DRC9: variants seen among roughly 807,000 people sequenced by gnomAD.
DRC9 encodes dynein regulatory complex subunit 9, also known as dynein regulatory complex protein 9.
At chr3:197,952,323 C>T in the DRC9 span, among the ~76,000 whole-genome samples, 7 of 151,636 alleles carry the variant, frequency 4.6e-5, no homozygotes, top group African/African-American at 1.7e-4. Flanking sequence ...GCGGCCGCCA[C>T]CATGCCTGTC....
chr3:197,953,875 A>T, the DRC9 span: 1 of 819,564 alleles, frequency 1.2e-6, no homozygotes, highest in Non-Finnish European at 2.1e-6. Context: ...ATGGTGTTCT[A>T]GGCATTTAAA....
At chr3:197,951,410 G>A in the DRC9 span, 37 of 1,331,932 alleles carry the variant, frequency 2.8e-5, no homozygotes, top group African/African-American at 4.9e-4. Context: ...CTGGAATGCA[G>A]TGACTTGGTC....
chr3:197,943,909 C>A, the DRC9 span: 4 of 1,614,082 alleles, frequency 2.5e-6, no homozygotes, highest in South Asian at 1.1e-5. Context: ...TCTAGAGTTT[C>A]CGGGATTTCT....
the DRC9 span, among the ~76,000 whole-genome samples, chr3:197,900,648 C>T: frequency 2.0e-5 from 3 of 151,034 alleles, no homozygotes; most frequent in African/African-American, 7.4e-5. This position sits in a 1 kb window ranked among gnomAD's most constrained non-coding sequence, Gnocchi z 4.7. Flanking sequence ...GAATAGGGCA[C>T]TGGGCAGAGG....
the DRC9 span, among the ~76,000 whole-genome samples, chr3:197,908,171 G>C: frequency 1.1e-3 from 157 of 148,618 alleles, no homozygotes; most frequent in African/African-American, 3.8e-3. Context: ...GACTGTACCA[G>C]GTCTGAAGAG....
chr3:197,891,007 AAAATATCTCTATT>A, the DRC9 span, among the ~76,000 whole-genome samples: 1 of 152,258 alleles, frequency 6.6e-6, no homozygotes, highest in South Asian at 2.1e-4. Context: ...ACATAAAACT[AAAATATCTCTATT>A]TTTTTCTAAC....
At chr3:197,889,835 A>C in the DRC9 span, 1 of 1,182,720 alleles carries the variant, frequency 8.5e-7, no homozygotes, top group Non-Finnish European at 1.2e-6. Flanking sequence ...TCTCCAGGAC[A>C]TGGAAGTAGC....
At chr3:197,933,654 T>C in the DRC9 span, among the ~76,000 whole-genome samples, 1 of 152,118 alleles carries the variant, frequency 6.6e-6, no homozygotes, top group East Asian at 1.9e-4. Context: ...ATGTGTCAGA[T>C]ATATCTGAAG....
the DRC9 span, among the ~76,000 whole-genome samples, chr3:197,914,533 T>C: frequency 9.9e-5 from 15 of 152,178 alleles, no homozygotes; most frequent in Admixed American, 9.8e-4. Context: ...TTTTTGCAGG[T>C]CACCAAGTGC....
the DRC9 span, among the ~76,000 whole-genome samples, chr3:197,946,569 G>A: frequency 1.3e-5 from 2 of 152,026 alleles, no homozygotes; most frequent in Non-Finnish European, 1.5e-5. Flanking sequence ...AAACCCCTAT[G>A]GAGAAGTTTG....
chr3:197,905,672 C>T, the DRC9 span, among the ~76,000 whole-genome samples: 2 of 151,986 alleles, frequency 1.3e-5, no homozygotes, highest in Non-Finnish European at 2.9e-5. Context: ...CACTTGAACT[C>T]GGGAGGCGGA....
chr3:197,924,410 AAT>A, the DRC9 span, among the ~76,000 whole-genome samples: 70 of 152,210 alleles, frequency 4.6e-4, 1 homozygote, highest in Non-Finnish European at 8.4e-4. Context: ...ATATAAATAA[AAT>A]AGTTTTCCAA....
chr3:197,947,928 CTTTT>C, the DRC9 span, among the ~76,000 whole-genome samples: 2 of 96,770 alleles, frequency 2.1e-5, no homozygotes, highest in Non-Finnish European at 3.9e-5. Flanking sequence ...CCTGCTTTAC[CTTTT>C]TTTTTTTTTT....
the DRC9 span, among the ~76,000 whole-genome samples, chr3:197,897,590 G>T: frequency 9.9e-5 from 15 of 152,122 alleles, no homozygotes; most frequent in East Asian, 2.5e-3. Context: ...AAATTAATAG[G>T]TCAGGTAAGC....
At chr3:197,928,522 G>T in the DRC9 span, among the ~76,000 whole-genome samples, 1 of 151,726 alleles carries the variant, frequency 6.6e-6, no homozygotes, top group African/African-American at 2.4e-5. Context: ...GCTAATTTTT[G>T]CATTTTTAGT....
At chr3:197,936,887 CT>C in the DRC9 span, among the ~76,000 whole-genome samples, 10,194 of 152,200 alleles carry the variant, frequency 0.067, 439 homozygotes, top group African/African-American at 0.12. Context: ...AGCAGGTTGC[CT>C]TTCTGTCCGA....
chr3:197,940,285 C>T, the DRC9 span, among the ~76,000 whole-genome samples: 30 of 149,036 alleles, frequency 2.0e-4, no homozygotes, highest in Non-Finnish European at 3.7e-4. Context: ...CGTGAGCCAC[C>T]GTGCCTGGCC....
chr3:197,941,681 C>T, the DRC9 span, among the ~76,000 whole-genome samples: 3 of 150,508 alleles, frequency 2.0e-5, no homozygotes, highest in Admixed American at 6.7e-5. Flanking sequence ...CCATATCAGC[C>T]TCCTGAGTAG....
the DRC9 span, chr3:197,952,455 A>T: frequency 6.6e-6 from 1 of 151,808 alleles, no homozygotes; most frequent in Admixed American, 6.6e-5. Context: ...GGCAGGAGCC[A>T]CGGTGCCCCG....
Sources: gnomAD v4.1 joint callset for allele counts (sites outside exome capture counted in the v4.1 genomes callset) on GRCh38, gnomAD v4.1.1 for gene constraint, Gnocchi (gnomAD v3.1) non-coding constraint, MANE v1.5 for transcripts, NCBI Gene and HGNC (gene_info 2026-07-23, HGNC 2026-07-21) for gene names.